The following MIPEP variants were observed in gnomAD, a reference collection of about 807,000 sequenced individuals.
MIPEP encodes mitochondrial intermediate peptidase.
Under a neutral mutation model 90.3 loss-of-function variants are expected in MIPEP, and 79 were observed. The ratio of observed to expected loss-of-function variants is 0.87; its 90% CI spans 0.73 to 1.05. The LOEUF (loss-of-function observed/expected upper bound fraction) is 1.05. MIPEP is among the 50% of genes least tolerant of loss of function. MIPEP has a pLI of 0.00. For synonymous variants in MIPEP, 334 were observed against 315.8 expected, an observed-to-expected ratio of 1.06 and a Z score of -0.61; for missense variants, 940 against 905.6, an observed-to-expected ratio of 1.04 and a Z score of -0.49.
chr13:23,811,261 AAAAGTATATGTGGAAG>A (rs1295513264), intron 14 of MIPEP, among the ~76,000 whole-genome samples: 1 of 152,236 alleles, frequency 6.6e-6, no homozygotes, highest in Non-Finnish European at 1.5e-5. Flanking sequence ...TTTTTACAAA[AAAAGTATATGTGGAAG>A]AATGACACTG....
intron 16 of MIPEP, among the ~76,000 whole-genome samples, chr13:23,762,049 C>A (rs1426855421): frequency 6.6e-6 from 1 of 152,016 alleles, no homozygotes; most frequent in Non-Finnish European, 1.5e-5. Context: ...TGCTTGAACC[C>A]GGGAGGCGGA....
At chr13:23,816,347 C>T (rs1423151590) in intron 14 of MIPEP, among the ~76,000 whole-genome samples, 3 of 152,112 alleles carry the variant, frequency 2.0e-5, no homozygotes, top group Admixed American at 6.5e-5. Context: ...GTTTTTGTTT[C>T]CCATCCCCTA....
At position 23,874,845 on chromosome 13, in the gene MIPEP, C is replaced by T. The variant is rs776562190; in HGVS notation, c.603+1G>A. Reference sequence around the variant, plus strand: ...GTCAAAAAAACAGCAGAAAGATGTACCTTTTCTTTGTCTAGATGGATTCCA... The same window carrying T: ...GTCAAAAAAACAGCAGAAAGATGTATCTTTTCTTTGTCTAGATGGATTCCA... On this transcript the variant is annotated splice_donor_variant, in intron 5 of 18. Transcript: ENST00000382172. LOFTEE classifies it high-confidence loss of function. 2.5e-6 allele frequency: 4 copies of T among 1,585,460 alleles called. No homozygotes were observed. Among genetic ancestry groups the T allele is most frequent in the Non-Finnish European group, 3.4e-6 (4 of 1,170,586 alleles).
At chr13:23,867,722 A>G (rs566533005) in intron 7 of MIPEP, among the ~76,000 whole-genome samples, 27 of 152,274 alleles carry the variant, frequency 1.8e-4, no homozygotes, top group Admixed American at 1.0e-3. Flanking sequence ...TAGATGATAT[A>G]AAACATAGGG....
chr13:23,866,911 T>A (rs1205233290), intron 7 of MIPEP, among the ~76,000 whole-genome samples: 1 of 152,144 alleles, frequency 6.6e-6, no homozygotes, highest in Non-Finnish European at 1.5e-5. Flanking sequence ...TAACTCACTC[T>A]CTTTCTAGTT....
intron 10 of MIPEP, among the ~76,000 whole-genome samples, chr13:23,855,110 T>C (rs1476202326): frequency 2.6e-5 from 4 of 152,190 alleles, no homozygotes; most frequent in Admixed American, 6.5e-5. Context: ...CTTAACATTG[T>C]TGATTTTTTG....
chr13:23,738,448 G>GT (rs36091630), intron 18 of MIPEP, among the ~76,000 whole-genome samples: 738 of 139,532 alleles, frequency 5.3e-3, no homozygotes, highest in Middle Eastern at 7.4e-3. Flanking sequence ...AAATTACTGA[G>GT]TTTTTTTTTT....
At chr13:23,816,351 T>C (rs1953237932) in intron 14 of MIPEP, among the ~76,000 whole-genome samples, 1 of 152,162 alleles carries the variant, frequency 6.6e-6, no homozygotes, top group South Asian at 2.1e-4. Flanking sequence ...TTGTTTCCCA[T>C]CCCCTACTCC....
In MIPEP at chr13:23,812,974, T is replaced by C. The variant is rs989602933; in HGVS notation, c.1654-3050A>G. Among the ~76,000 whole-genome samples the C allele has an allele frequency of 3.9e-5, 6 of 152,310 alleles. No homozygotes were observed. In the East Asian group the frequency reaches 1.2e-3, roughly 29 times the overall value. Reference sequence around the variant, plus strand: ...ACAAATAAAAAATACACATATTGTGTGTGCTATACATAGAAAAGTAAATGT... The same window carrying C: ...ACAAATAAAAAATACACATATTGTGCGTGCTATACATAGAAAAGTAAATGT... On this transcript the variant is annotated intron_variant, in intron 14 of 18. Coordinates refer to ENST00000382172, the MANE Select transcript of MIPEP (RefSeq NM_005932.4).
Position 23,732,390 on chromosome 13 carries a change from C to T in MIPEP, c.2045-1945G>A, listed in dbSNP as rs543421812. 9.2e-4 allele frequency among the ~76,000 whole-genome samples: 140 copies of T among 151,816 alleles called. 1 individual carries two copies. Among genetic ancestry groups the T allele is most frequent in the Middle Eastern group, 3.4e-3 (1 of 294 alleles). Reference sequence around the variant, plus strand: ...AAAAAAGGTCTTAACCAGTGTCTTACGAAACTAAACATAGACCTACACTAG... The same window carrying T: ...AAAAAAGGTCTTAACCAGTGTCTTATGAAACTAAACATAGACCTACACTAG... On this transcript the variant is annotated intron_variant, in intron 18 of 18. Coordinates refer to ENST00000382172, the MANE Select transcript of MIPEP (RefSeq NM_005932.4).
At chr13:23,806,669 C>CAA (rs1172667936) in intron 15 of MIPEP, among the ~76,000 whole-genome samples, 1 of 135,746 alleles carries the variant, frequency 7.4e-6, no homozygotes, top group African/African-American at 2.7e-5. Flanking sequence ...GACTCCGTCT[C>CAA]AAAAAAAAAA....
At chr13:23,807,702 TATTCTAACAGAGTAAATTATCAGGAACTG>T (rs1438248059) in intron 15 of MIPEP, among the ~76,000 whole-genome samples, 2 of 152,214 alleles carry the variant, frequency 1.3e-5, no homozygotes, top group Non-Finnish European at 2.9e-5. Flanking sequence ...GTCTTACCTA[TATTCTAACAGAGTAAATTATCAGGAACTG>T]AAACTCTTAC....
intron 16 of MIPEP, among the ~76,000 whole-genome samples, chr13:23,781,921 TGCACCCAATACAGGA>T (rs1565992210): frequency 6.6e-6 from 1 of 152,188 alleles, no homozygotes; most frequent in African/African-American, 2.4e-5. Context: ...TAAATATATA[TGCACCCAATACAGGA>T]GCACCCAGAT....
rs564361438 is a variant in MIPEP at position 23,854,116 on chromosome 13, C to G, written c.1106+4744G>C. On this transcript the variant is annotated intron_variant, in intron 10 of 18. Coordinates refer to ENST00000382172, the MANE Select transcript of MIPEP (RefSeq NM_005932.4). The stretch of plus-strand genomic sequence containing the variant: ...CGAGGTGGGCGGATCACAAGTTCAG[C>G]AGATCGAGATCATCCTGGCTAACAC... Among the ~76,000 whole-genome samples, 126 of 150,508 alleles carry G rather than the reference C, an allele frequency of 8.4e-4. 1 individual carries two copies. The highest frequency in any genetic ancestry group is 2.5e-3 in the South Asian group (12 of 4,738).
chr13:23,830,388 T>C (rs1188878358), intron 14 of MIPEP, among the ~76,000 whole-genome samples: 2 of 152,158 alleles, frequency 1.3e-5, no homozygotes, highest in African/African-American at 4.8e-5. Flanking sequence ...ATAAATAATG[T>C]GGCCAAAAAA....
rs202112282 is a variant in MIPEP, at chr13:23,886,459, A to G, written c.237T>C (p.Ile79=). 10 of 1,605,032 alleles carry G rather than the reference A, an allele frequency of 6.2e-6. No homozygotes were observed. The highest frequency in any genetic ancestry group is 1.7e-4 in the Middle Eastern group (1 of 6,038). The change falls in exon 2 of 19, where the codon ATT becomes ATC. Residue 79 remains isoleucine (I), a synonymous_variant. Coordinates refer to ENST00000382172, the MANE Select transcript of MIPEP (RefSeq NM_005932.4). ...TCTTTCTCAAGGCTTTTTCTTGTGC[A>G]ATATGAAATCCTTCTGGGGCACTCA... is the stretch of plus-strand genomic sequence containing the variant. ...PELSAPEGFH[I]AQEKALRKTE...
intron 18 of MIPEP, among the ~76,000 whole-genome samples, chr13:23,743,100 A>C (rs1275887727): frequency 6.6e-6 from 1 of 152,230 alleles, no homozygotes; most frequent in Non-Finnish European, 1.5e-5. Context: ...ACCAAAAAGC[A>C]GATTATCTAA....
chr13:23,743,490 C>T (rs1952352863), intron 18 of MIPEP, among the ~76,000 whole-genome samples: 1 of 152,202 alleles, frequency 6.6e-6, no homozygotes. Flanking sequence ...TGAAATTCTT[C>T]TCTTCCTTTG....
At chr13:23,766,096 T>C (rs1952589359) in intron 16 of MIPEP, 1 of 152,336 alleles carries the variant, frequency 6.6e-6, no homozygotes, top group South Asian at 2.1e-4. Context: ...ATCTACCATA[T>C]CTGTTTTGCA....
Sources: allele counts gnomAD v4.1 joint callset (sites outside exome capture counted in the v4.1 genomes callset), GRCh38; gene constraint gnomAD v4.1.1; transcripts MANE v1.5; gene names NCBI Gene and HGNC (gene_info 2026-07-23, HGNC 2026-07-21).